Variants in EVL observed in about 807,000 individuals in gnomAD.
EVL encodes Enah/Vasp-like.
In EVL, 21 loss-of-function variants were observed where a neutral mutation model predicts 59.6. The ratio of observed to expected loss-of-function variants is 0.35; its 90% CI spans 0.25 to 0.51. The LOEUF (loss-of-function observed/expected upper bound fraction) is 0.51. Among genes scored for constraint, EVL ranks in the 20% least tolerant of loss-of-function variants. EVL has a pLI of 0.97. For missense variants in EVL, 462 were observed against 546.6 expected, an observed-to-expected ratio of 0.85 and a Z score of 1.54; for synonymous variants, 198 against 203.5, an observed-to-expected ratio of 0.97 and a Z score of 0.23.
At chr14:100,123,751 C>T (rs1887849889) in intron 4 of EVL, 149 bp downstream of exon 4, 1 of 733,418 alleles carries the variant, frequency 1.4e-6, no homozygotes, top group African/African-American at 1.8e-5. Flanking sequence ...GCAAGCCAGA[C>T]CAGGAAGAAA....
chr14:100,014,412 AC>A (rs2061036857), intron 1 of EVL, among the ~76,000 whole-genome samples: 1 of 152,184 alleles, frequency 6.6e-6, no homozygotes, highest in Non-Finnish European at 1.5e-5. Context: ...GGCTTATTTC[AC>A]TTAACATAAT....
At chr14:99,999,052 T>G (rs987579080) in intron 1 of EVL, among the ~76,000 whole-genome samples, 12 of 151,768 alleles carry the variant, frequency 7.9e-5, no homozygotes, top group African/African-American at 2.4e-4. Flanking sequence ...TATAGTAATT[T>G]ATAAATTTAT....
At position 100,123,663 on chromosome 14, in the gene EVL, G is replaced by A; in HGVS notation, c.422+61G>A. 1.9e-6 allele frequency: 3 copies of A among 1,580,340 alleles called. 1 individual carries two copies. The South Asian group carries it at 3.4e-5, about 18-fold the overall frequency. ...TCCCAATCAGGCTGGGTGGCCAGGG[G>A]TGCCTTCAGCGGGTGAGGATGCACC... On this transcript the variant is annotated intron_variant, in intron 4 of 13. Transcript: ENST00000392920.
chr14:100,006,361 T>G (rs1214500827), intron 1 of EVL, among the ~76,000 whole-genome samples: 1 of 150,614 alleles, frequency 6.6e-6, no homozygotes, highest in Non-Finnish European at 1.5e-5. Context: ...CTTGGCTCAC[T>G]GCAACCTCCG....
At position 100,143,814 on chromosome 14, in the gene EVL, A is replaced by T; in HGVS notation, c.*76A>T. On this transcript the variant is annotated 3_prime_UTR_variant, in exon 14 of 14. Coordinates refer to ENST00000392920, the MANE Select transcript of EVL (RefSeq NM_016337.3). ...CAGCCAGAAGCCCAGCCAGCCCCAG[A>T]CTCCAGTGCACCAGAGCACGCACAG... is the stretch of plus-strand genomic sequence containing the variant. 2 of 1,547,950 alleles carry T rather than the reference A, an allele frequency of 1.3e-6. No homozygotes were observed. The highest frequency in any genetic ancestry group is 1.8e-6 in the Non-Finnish European group (2 of 1,137,206).
intron 1 of EVL, among the ~76,000 whole-genome samples, chr14:100,067,913 G>A (rs1380515902): frequency 6.6e-6 from 1 of 152,170 alleles, no homozygotes; most frequent in African/African-American, 2.4e-5. Context: ...ACCTCAAAGA[G>A]AAAGTGGGAT....
chr14:99,978,663 A>C (rs115168237), intron 1 of EVL, among the ~76,000 whole-genome samples: 2,787 of 152,260 alleles, frequency 0.018, 78 homozygotes, highest in African/African-American at 0.064. Context: ...CTTTGTTGTC[A>C]GTTGATTTGA....
At chr14:100,134,023 G>T (rs1031969613) in intron 8 of EVL, among the ~76,000 whole-genome samples, 1 of 152,092 alleles carries the variant, frequency 6.6e-6, no homozygotes, top group African/African-American at 2.4e-5. Flanking sequence ...TCCCAGCCCC[G>T]GTCTTCTCCC....
At chr14:100,137,241 C>T (rs1438389040) in intron 9 of EVL, 5 of 358,920 alleles carry the variant, frequency 1.4e-5, no homozygotes, top group Non-Finnish European at 2.1e-5. Flanking sequence ...CCACACCACA[C>T]GTGGGAGCAA....
chr14:100,068,222 G>A (rs2061974898), intron 1 of EVL, among the ~76,000 whole-genome samples: 1 of 152,204 alleles, frequency 6.6e-6, no homozygotes, highest in South Asian at 2.1e-4. Flanking sequence ...GGAAAGGGCA[G>A]CAAGTATCCT....
intron 3 of EVL, among the ~76,000 whole-genome samples, chr14:100,111,882 GTC>G (rs1887017742): frequency 6.6e-6 from 1 of 152,186 alleles, no homozygotes; most frequent in Non-Finnish European, 1.5e-5. Context: ...TCCAGTCCAG[GTC>G]TCTGCCCAGT....
At chr14:100,081,636 A>G (rs2062309319) in intron 1 of EVL, among the ~76,000 whole-genome samples, 1 of 152,132 alleles carries the variant, frequency 6.6e-6, no homozygotes, top group African/African-American at 2.4e-5. Context: ...CTCCCCTAAA[A>G]GGTGTGTGTG....
chr14:100,125,601 G>T (rs1189333041), intron 4 of EVL, among the ~76,000 whole-genome samples: 1 of 151,706 alleles, frequency 6.6e-6, no homozygotes, highest in East Asian at 1.9e-4. Context: ...TGTCACCCGG[G>T]CTGGAGTGTA....
At chr14:100,006,760 C>T (rs1242604409) in intron 1 of EVL, among the ~76,000 whole-genome samples, 4 of 148,092 alleles carry the variant, frequency 2.7e-5, no homozygotes, top group Non-Finnish European at 5.9e-5. Flanking sequence ...TGCCTTCCAT[C>T]GTGGAAGCAG....
intron 1 of EVL, among the ~76,000 whole-genome samples, chr14:100,075,134 C>A (rs542142005): frequency 6.6e-6 from 1 of 152,324 alleles, no homozygotes; most frequent in Admixed American, 6.5e-5. Context: ...GAAGATGTCA[C>A]CTATGTTACC....
At chr14:100,110,063 A>T (rs538294149) in intron 3 of EVL, among the ~76,000 whole-genome samples, 47 of 152,318 alleles carry the variant, frequency 3.1e-4, no homozygotes, top group African/African-American at 1.1e-3. Flanking sequence ...TACTCTTTTT[A>T]AAAAAATTAT....
At chr14:100,086,831 C>T (rs1470800554) in intron 2 of EVL, among the ~76,000 whole-genome samples, 1 of 152,168 alleles carries the variant, frequency 6.6e-6, no homozygotes, top group East Asian at 1.9e-4. Context: ...GGCTATCAGA[C>T]AGGATTGAGG....
Position 100,132,795 on chromosome 14 carries a change from GCCCCACCCTCAGGCT to G in EVL, c.900+23_900+37del. 1 of 1,613,668 alleles carries G rather than the reference GCCCCACCCTCAGGCT, an allele frequency of 6.2e-7. No homozygotes were observed. Among genetic ancestry groups the G allele is most frequent in the African/African-American group, 1.3e-5 (1 of 75,058 alleles). On this transcript the variant is annotated intron_variant, in intron 8 of 13. Transcript: ENST00000392920. ...AAGCCAAATGGTGAGCAAGCAGCCC[GCCCCACCCTCAGGCT>G]CCCCACTGAGATGAGCGCATCGCCA...
At chr14:100,124,603 A>G (rs188350485) in intron 4 of EVL, among the ~76,000 whole-genome samples, 5 of 152,294 alleles carry the variant, frequency 3.3e-5, no homozygotes, top group African/African-American at 7.2e-5. Context: ...CCAGAGAGTC[A>G]GGCAGAACCT....
Sources: allele counts gnomAD v4.1 joint callset (sites outside exome capture counted in the v4.1 genomes callset), GRCh38; gene constraint gnomAD v4.1.1; transcripts MANE v1.5; gene names NCBI Gene and HGNC (gene_info 2026-07-23, HGNC 2026-07-21).